The following RIN3 variants were observed in gnomAD, a reference collection of about 807,000 sequenced individuals.
RIN3 encodes Ras and Rab interactor 3, also known as RAB5 interacting protein 3.
Under a neutral mutation model 76.3 loss-of-function variants are expected in RIN3, and 54 were observed. The ratio of observed to expected loss-of-function variants is 0.71; its 90% CI spans 0.57 to 0.89. The LOEUF (loss-of-function observed/expected upper bound fraction) is 0.89, where lower values mean the gene tolerates loss of function less well. Ranked by LOEUF, RIN3 falls within the 40% of genes least tolerant of loss-of-function variation. The pLI is 0.00. For synonymous variants in RIN3, 576 were observed against 564.0 expected, an observed-to-expected ratio of 1.02 and a Z score of -0.30; for missense variants, 1,256 against 1,322.1, an observed-to-expected ratio of 0.95 and a Z score of 0.78.
intron 3 of RIN3, among the ~76,000 whole-genome samples, chr14:92,612,257 C>A (rs1321744629): frequency 1.3e-5 from 2 of 152,154 alleles, no homozygotes; most frequent in Non-Finnish European, 2.9e-5. Flanking sequence ...GGTGGTGTGG[C>A]CTAGGAACCC....
intron 1 of RIN3, among the ~76,000 whole-genome samples, chr14:92,524,163 C>T (rs1008699345): frequency 3.9e-5 from 6 of 152,136 alleles, no homozygotes; most frequent in East Asian, 3.8e-4. Context: ...CACTGCACTT[C>T]GGCCTGGGTG....
At chr14:92,552,614 T>C (rs535376144) in intron 1 of RIN3, among the ~76,000 whole-genome samples, 3 of 152,162 alleles carry the variant, frequency 2.0e-5, no homozygotes, top group Admixed American at 6.5e-5. Flanking sequence ...GGAGCAGGAA[T>C]TGCAGGCTTG....
chr14:92,651,509 CAG>C, intron 5 of RIN3, 71 bp from the exon 6 acceptor site: 20 of 1,000,724 alleles, frequency 2.0e-5, no homozygotes, highest in East Asian at 8.2e-5. Flanking sequence ...ACCCCGCCCA[CAG>C]ACCCCGCCCA....
At chr14:92,660,839 G>A (rs12896481) in intron 7 of RIN3, among the ~76,000 whole-genome samples, 39,755 of 152,226 alleles carry the variant, frequency 0.26, 6,545 homozygotes, top group East Asian at 0.44. Flanking sequence ...ATCACTGCAC[G>A]ATGGAGCACA....
chr14:92,528,984 G>A (rs1161399122), intron 1 of RIN3, among the ~76,000 whole-genome samples: 2 of 152,130 alleles, frequency 1.3e-5, no homozygotes, highest in Non-Finnish European at 2.9e-5. Context: ...TGAGCTACAC[G>A]GCCCATGGTA....
chr14:92,665,499 C>T (rs1383529308), intron 7 of RIN3, among the ~76,000 whole-genome samples: 1 of 151,448 alleles, frequency 6.6e-6, no homozygotes, highest in Admixed American at 6.6e-5. Flanking sequence ...TTGCCTCAGC[C>T]TCCTGATTAG....
At position 92,524,789 on chromosome 14, in the gene RIN3, G is replaced by A. The variant is rs373272924; in HGVS notation, c.44+10813G>A. Among the ~76,000 whole-genome samples the A allele has an allele frequency of 9.8e-5, 15 of 152,296 alleles. No homozygotes were observed. In the East Asian group the frequency reaches 1.7e-3, roughly 18 times the overall value. On this transcript the variant is annotated intron_variant, in intron 1 of 9. Coordinates refer to ENST00000216487, the MANE Select transcript of RIN3 (RefSeq NM_024832.5). ...GGGAAGTGGTTTCCCCAGGGTCTCC[G>A]GACCTGTGGGCTGTCTCCAACCAAG...
At chr14:92,605,378 A>G (rs895145314) in intron 3 of RIN3, among the ~76,000 whole-genome samples, 1 of 152,230 alleles carries the variant, frequency 6.6e-6, no homozygotes, top group Non-Finnish European at 1.5e-5. Context: ...AAAATGTGTT[A>G]GAAGTGGGAT....
chr14:92,676,502 T>C lies in RIN3; in HGVS notation c.2363T>C (p.Leu788Pro). ...AAGCCCTATGGGGCGGATGACTTCC[T>C]GCCTGTGCTCATGTATGTGCTGGCC... ...PGKPYGADDF[L>P]PVLMYVLARS... The change falls in exon 8 of 10, where the codon CTG becomes CCG. Residue 788 changes from leucine to proline, a missense_variant. Physicochemically the swap from Leu to Pro is moderately conservative, Grantham distance 98. This residue lies in a region of RIN3 where 428 missense variants were observed against 521.2 expected (regional missense o/e 0.82). Coordinates refer to ENST00000216487, the MANE Select transcript of RIN3 (RefSeq NM_024832.5). The C allele has an allele frequency of 6.2e-7, 1 of 1,614,178 alleles. No homozygotes were observed. The highest frequency in any genetic ancestry group is 1.7e-5 in the Admixed American group (1 of 60,028).
At chr14:92,640,955 T>G (rs1886987554) in intron 4 of RIN3, among the ~76,000 whole-genome samples, 1 of 152,038 alleles carries the variant, frequency 6.6e-6, no homozygotes, top group Non-Finnish European at 1.5e-5. Context: ...TTAGAGGAGC[T>G]GGCCTGGGCT....
chr14:92,688,169 GTC>G lies in RIN3; in HGVS notation c.2877_2878del (p.Tyr960ProfsTer103). On this transcript the variant is annotated frameshift_variant, in exon 10 of 10. Transcript: ENST00000216487. LOFTEE classifies it high-confidence loss of function. ...RSEPKRDFHF[V>X]YRPLDGGGGG... ...CGAGCCCAAGCGCGACTTCCACTTT[GTC>G]TACCGGCCCCTGGACGGTGGTGGCG... 1.2e-6 allele frequency: 2 copies of G among 1,607,396 alleles called. No individual in the cohort carries two copies. The highest frequency in any genetic ancestry group is 2.7e-5 in the African/African-American group (2 of 73,662).
rs760840235 is a variant in RIN3 at position 92,688,228 on chromosome 14, G to A, written c.2934G>A (p.Val978=). The A allele has an allele frequency of 1.9e-6, 3 of 1,596,014 alleles. No homozygotes were observed. Among genetic ancestry groups the A allele is most frequent in the Admixed American group, 3.4e-5 (2 of 59,076 alleles). ...GGGGGSPPCL[V]VREPNFL Reference sequence around the variant, plus strand: ...GCGGCGGGAGCCCGCCCTGCCTGGTGGTGCGGGAGCCCAACTTCCTGTGAG... The same window carrying A: ...GCGGCGGGAGCCCGCCCTGCCTGGTAGTGCGGGAGCCCAACTTCCTGTGAG... Residue 978 remains valine, a synonymous_variant, in exon 10 of 10, where the codon GTG becomes GTA. Transcript: ENST00000216487.
intron 3 of RIN3, among the ~76,000 whole-genome samples, chr14:92,589,914 G>A (rs1339362730): frequency 1.3e-5 from 2 of 152,194 alleles, no homozygotes; most frequent in Non-Finnish European, 2.9e-5. Flanking sequence ...CATAAAGGTG[G>A]GGTCACAGGT....
chr14:92,664,625 C>G (rs554286311), intron 7 of RIN3, among the ~76,000 whole-genome samples: 1 of 152,174 alleles, frequency 6.6e-6, no homozygotes, highest in South Asian at 2.1e-4. Flanking sequence ...CCGCCTCGGC[C>G]TCCCAAAGTG....
At chr14:92,555,611 T>C (rs970258496) in intron 1 of RIN3, 140 bp from the exon 2 acceptor site, 25 of 782,544 alleles carry the variant, frequency 3.2e-5, no homozygotes, top group Non-Finnish European at 5.2e-5. Flanking sequence ...CCATGGTTTG[T>C]TGATTTTTTT....
At chr14:92,634,951 C>T (rs1461144927) in intron 4 of RIN3, among the ~76,000 whole-genome samples, 1 of 152,014 alleles carries the variant, frequency 6.6e-6, no homozygotes, top group Admixed American at 6.5e-5. Flanking sequence ...TCTAGCAGCT[C>T]CCTAGAGGAT....
At chr14:92,539,853 C>T (rs887122873) in intron 1 of RIN3, among the ~76,000 whole-genome samples, 2 of 152,142 alleles carry the variant, frequency 1.3e-5, no homozygotes, top group East Asian at 1.9e-4. Context: ...AGAGGCCCAA[C>T]AGAGCAAAGC....
Position 92,652,270 on chromosome 14 carries a change from G to C in RIN3, c.1221G>C (p.Glu407Asp). 1 of 1,611,478 alleles carries C rather than the reference G, an allele frequency of 6.2e-7. No homozygotes were observed. The highest frequency in any genetic ancestry group is 8.5e-7 in the Non-Finnish European group (1 of 1,178,346). The change falls in exon 6 of 10, where the codon GAG becomes GAC. Residue 407 changes from glutamate (E) to aspartate (D), a missense_variant. Physicochemically the swap from Glu to Asp is conservative, Grantham distance 45. Coordinates refer to ENST00000216487, the MANE Select transcript of RIN3 (RefSeq NM_024832.5). This position sits in a 1 kb window ranked among gnomAD's most constrained non-coding sequence, Gnocchi z 6.4. ...ACCAAAGTCCGGGGATGGCGGCAGAGGGGGACCAGCTCAGCCTGCCTCCCC... is the reference window on the plus strand; with the variant it reads ...ACCAAAGTCCGGGGATGGCGGCAGACGGGGACCAGCTCAGCCTGCCTCCCC... ...LEDQSPGMAAEGDQLSLPPQG... is the reference protein window; with the variant it reads ...LEDQSPGMAADGDQLSLPPQG...
At chr14:92,569,181 A>G (rs1897994758) in intron 2 of RIN3, among the ~76,000 whole-genome samples, 1 of 152,026 alleles carries the variant, frequency 6.6e-6, no homozygotes, top group South Asian at 2.1e-4. Flanking sequence ...GGGTCAGGCA[A>G]TCCCTTCTGA....
Sources: allele counts gnomAD v4.1 joint callset (sites outside exome capture counted in the v4.1 genomes callset), GRCh38; gene constraint gnomAD v4.1.1; regional missense constraint gnomAD v4.1.1; non-coding constraint Gnocchi (gnomAD v3.1); transcripts MANE v1.5; gene names NCBI Gene and HGNC (gene_info 2026-07-23, HGNC 2026-07-21).